Variants in ETS1 observed in about 807,000 individuals in gnomAD.
The protein encoded by ETS1 is protein C-ets-1.
Under a neutral mutation model 58.6 loss-of-function variants are expected in ETS1, and 15 were observed. That is an observed-to-expected ratio of 0.26 (90% CI 0.17 to 0.39). The LOEUF is 0.39. Ranked by LOEUF, ETS1 falls within the 10% of genes least tolerant of loss-of-function variation. The pLI, the probability that ETS1 is intolerant of heterozygous loss-of-function variation, is 1.00. For missense variants in ETS1, 417 were observed against 610.5 expected (o/e 0.68, Z 3.34); for synonymous variants, 214 against 218.2 (o/e 0.98, Z 0.17).
At chr11:128,472,836 C>G (rs1311265856) in intron 8 of ETS1, among the ~76,000 whole-genome samples, 2 of 152,214 alleles carry the variant, frequency 1.3e-5, no homozygotes, top group Non-Finnish European at 2.9e-5. Flanking sequence ...CCGCTGCCTT[C>G]TCTTCGCTGC....
intron 2 of ETS1, among the ~76,000 whole-genome samples, chr11:128,567,366 T>G (rs1591668136): frequency 6.6e-6 from 1 of 152,226 alleles, no homozygotes; most frequent in Non-Finnish European, 1.5e-5. Flanking sequence ...CTCGTACGTC[T>G]GCAATACCCT....
chr11:128,523,184 A>G (rs1202872098), intron 3 of ETS1, among the ~76,000 whole-genome samples: 1 of 152,242 alleles, frequency 6.6e-6, no homozygotes, highest in Non-Finnish European at 1.5e-5. Context: ...CCACCAAAAA[A>G]GTGATGCAGA....
intron 8 of ETS1, among the ~76,000 whole-genome samples, chr11:128,472,219 G>A (rs534281496): frequency 6.6e-6 from 1 of 152,228 alleles, no homozygotes; most frequent in South Asian, 2.1e-4. Flanking sequence ...AAACTCCACC[G>A]CCTCAGCTCT....
In ETS1 at chr11:128,484,855, G is replaced by T. The variant is rs1257149520; in HGVS notation, c.830C>A (p.Pro277Gln). Residue 277 changes from proline to glutamine, a missense_variant, in exon 7 of 10, where the codon CCA (proline) becomes CAA (glutamine). Transcript: ENST00000392668. ...GGTCCTCCCCATGCACATGTTGTCT[G>T]GGGTGACGACTTCTTGTTTGATAGC... ...YFAIKQEVVT[P>Q]DNMCMGRTSR... 1.9e-6 allele frequency: 3 copies of T among 1,613,930 alleles called. No individual in the cohort carries two copies. In the African/African-American group the frequency reaches 4.0e-5, roughly 22 times the overall value.
chr11:128,499,863 C>A (rs1428517946), intron 3 of ETS1, among the ~76,000 whole-genome samples: 1 of 151,906 alleles, frequency 6.6e-6, no homozygotes, highest in South Asian at 2.1e-4. Context: ...GCAAGGTGTA[C>A]GATGAGGAGT....
intron 1 of ETS1, among the ~76,000 whole-genome samples, chr11:128,573,552 G>A (rs1480828524): frequency 2.6e-5 from 4 of 152,042 alleles, no homozygotes; most frequent in Non-Finnish European, 5.9e-5. Flanking sequence ...AATTGATAAA[G>A]GAATAAACAT....
At chr11:128,578,472 A>AT (rs961911100) in intron 1 of ETS1, among the ~76,000 whole-genome samples, 2 of 152,124 alleles carry the variant, frequency 1.3e-5, no homozygotes, top group East Asian at 1.9e-4. Context: ...TTACACTTTA[A>AT]TTTTTTTCTT....
At chr11:128,487,479 G>A (rs1020962832) in intron 5 of ETS1, among the ~76,000 whole-genome samples, 2 of 152,096 alleles carry the variant, frequency 1.3e-5, no homozygotes, top group Non-Finnish European at 2.9e-5. Flanking sequence ...GGTGGCTCAC[G>A]CCTGTAATCC....
At chr11:128,488,026 A>G (rs1862686139) in intron 5 of ETS1, among the ~76,000 whole-genome samples, 1 of 152,224 alleles carries the variant, frequency 6.6e-6, no homozygotes, top group Admixed American at 6.5e-5. Context: ...ATTTTGATAA[A>G]TGGAGGAAAA....
chr11:128,572,948 C>T, intron 2 of ETS1, 114 bp downstream of exon 2: 2 of 731,020 alleles, frequency 2.7e-6, no homozygotes, highest in South Asian at 1.7e-5. Context: ...TGATTCGAAC[C>T]TTGGAGTTCA....
intron 3 of ETS1, chr11:128,522,116 A>G (rs1036612166): frequency 2.7e-5 from 36 of 1,317,442 alleles, no homozygotes; most frequent in Non-Finnish European, 3.2e-5. Context: ...CTTCCCAAAA[A>G]TCTCAAATTC....
chr11:128,587,408 C>T (rs2135611198), intron 1 of ETS1, 80 bp downstream of exon 1: 1 of 152,484 alleles, frequency 6.6e-6, no homozygotes, highest in East Asian at 1.9e-4. Flanking sequence ...TACCGACTTA[C>T]TCTTTAATTC....
At chr11:128,564,376 G>A (rs1032082871) in intron 2 of ETS1, among the ~76,000 whole-genome samples, 1 of 152,202 alleles carries the variant, frequency 6.6e-6, no homozygotes, top group African/African-American at 2.4e-5. Flanking sequence ...GGCCTGACAC[G>A]CTGCAGGTTT....
At chr11:128,533,423 C>G (rs964922545) in intron 3 of ETS1, among the ~76,000 whole-genome samples, 2 of 152,192 alleles carry the variant, frequency 1.3e-5, no homozygotes, top group Non-Finnish European at 2.9e-5. Context: ...CTTAGATACT[C>G]CTCACCGCCA....
At chr11:128,533,227 G>C (rs921335323) in intron 3 of ETS1, among the ~76,000 whole-genome samples, 2 of 152,218 alleles carry the variant, frequency 1.3e-5, no homozygotes, top group Non-Finnish European at 2.9e-5. Context: ...TTTCATCACA[G>C]TGTAAAATCT....
intron 5 of ETS1, among the ~76,000 whole-genome samples, chr11:128,487,893 T>C (rs980734531): frequency 6.6e-6 from 1 of 152,190 alleles, no homozygotes; most frequent in Non-Finnish European, 1.5e-5. Flanking sequence ...CTCACAGTTA[T>C]TTTGATAATC....
intron 3 of ETS1, among the ~76,000 whole-genome samples, chr11:128,520,334 G>A (rs1863632724): frequency 6.6e-6 from 1 of 152,112 alleles, no homozygotes; most frequent in Admixed American, 6.5e-5. Context: ...ATCCCTTGTA[G>A]GTATGTGGAC....
chr11:128,568,994 C>A (rs1864565187), intron 2 of ETS1, among the ~76,000 whole-genome samples: 1 of 152,218 alleles, frequency 6.6e-6, no homozygotes, highest in South Asian at 2.1e-4. Context: ...CTGCTTAGAG[C>A]AGTCTGTACA....
At chr11:128,584,884 GAGA>G (rs1054573889) in intron 1 of ETS1, among the ~76,000 whole-genome samples, 6 of 144,156 alleles carry the variant, frequency 4.2e-5, no homozygotes, top group East Asian at 4.0e-4. Context: ...GAGGGAGAGA[GAGA>G]AGAAGAAGAA....
Sources: allele counts gnomAD v4.1 joint callset (sites outside exome capture counted in the v4.1 genomes callset), GRCh38; gene constraint gnomAD v4.1.1; transcripts MANE v1.5; gene names NCBI Gene and HGNC (gene_info 2026-07-23, HGNC 2026-07-21).